DPF3: variants seen among roughly 807,000 people sequenced by gnomAD.
DPF3 encodes the protein double PHD fingers 3.
DPF3 carries 18 observed loss-of-function variants against 56.8 expected under a neutral mutation model. The observed-to-expected ratio is 0.32, with a 90% CI of 0.22 to 0.47. The LOEUF (loss-of-function observed/expected upper bound fraction) is 0.47. Among genes scored for constraint, DPF3 ranks in the 20% least tolerant of loss-of-function variants. The probability of loss-of-function intolerance (pLI) is 1.00; values close to 1 mark genes in which losing one functional copy is unlikely to be tolerated. For synonymous variants in DPF3, 188 were observed against 180.2 expected (o/e 1.04, Z -0.35); for missense variants, 403 against 488.8 (o/e 0.82, Z 1.65).
intron 1 of DPF3, among the ~76,000 whole-genome samples, chr14:72,881,320 G>A (rs912554273): frequency 6.6e-6 from 1 of 152,014 alleles, no homozygotes; most frequent in Admixed American, 6.6e-5. Flanking sequence ...TGTTGTTGTT[G>A]TTGTTGTTGT....
At position 72,611,019 on chromosome 14, in the gene DPF3, C is replaced by A. The variant is rs980465833; in HGVS notation, c.*8278G>T. 3.3e-5 allele frequency among the ~76,000 whole-genome samples: 5 copies of A among 152,232 alleles called. No homozygotes were observed. Among genetic ancestry groups the A allele is most frequent in the African/African-American group, 9.6e-5 (4 of 41,452 alleles). On this transcript the variant is annotated 3_prime_UTR_variant, in exon 11 of 11. Coordinates refer to ENST00000556509, the MANE Select transcript of DPF3 (RefSeq NM_001280542.3). ...CTTTAAAACCAGACTCACAGCCAAGCCTTGTGTCCCTGACTACCTCCACAG... is the reference window on the plus strand; with the variant it reads ...CTTTAAAACCAGACTCACAGCCAAGACTTGTGTCCCTGACTACCTCCACAG...
At chr14:72,700,466 T>G (rs372939576) in intron 6 of DPF3, among the ~76,000 whole-genome samples, 6 of 152,192 alleles carry the variant, frequency 3.9e-5, no homozygotes, top group East Asian at 3.9e-4. Context: ...TTACTCCAAA[T>G]AGCTGACCTG....
At chr14:72,812,526 C>T (rs890016147) in intron 1 of DPF3, among the ~76,000 whole-genome samples, 6 of 152,014 alleles carry the variant, frequency 3.9e-5, no homozygotes, top group South Asian at 4.2e-4. Context: ...CAAAGGGAAC[C>T]GACCCAGAAC....
At chr14:72,752,692 A>C (rs1370308891) in intron 3 of DPF3, among the ~76,000 whole-genome samples, 1 of 152,214 alleles carries the variant, frequency 6.6e-6, no homozygotes, top group African/African-American at 2.4e-5. Context: ...ATTAGTATAG[A>C]CATAACGCCA....
At chr14:72,841,846 G>A (rs924228936) in intron 1 of DPF3, among the ~76,000 whole-genome samples, 2 of 152,148 alleles carry the variant, frequency 1.3e-5, no homozygotes, top group Non-Finnish European at 2.9e-5. Flanking sequence ...ACTTTGGGAG[G>A]CCAAGATAGG....
intron 2 of DPF3, among the ~76,000 whole-genome samples, chr14:72,760,714 C>G (rs1192880476): frequency 6.6e-6 from 1 of 151,754 alleles, no homozygotes; most frequent in Non-Finnish European, 1.5e-5. Flanking sequence ...AGTTAATAAA[C>G]CAACAAAAAA....
intron 1 of DPF3, chr14:72,879,882 G>A: frequency 6.5e-7 from 1 of 1,534,844 alleles, no homozygotes; most frequent in East Asian, 2.4e-5. Context: ...ATAGGCAGAT[G>A]TTCACATCTA....
At chr14:72,733,481 A>G (rs183536612) in intron 3 of DPF3, among the ~76,000 whole-genome samples, 1 of 152,260 alleles carries the variant, frequency 6.6e-6, no homozygotes, top group East Asian at 1.9e-4. Context: ...GAGTGCTTGC[A>G]AGAACCTGGA....
intron 1 of DPF3, among the ~76,000 whole-genome samples, chr14:72,780,087 T>C (rs148110314): frequency 9.2e-5 from 14 of 152,328 alleles, no homozygotes; most frequent in Admixed American, 3.3e-4. Flanking sequence ...AGTGAATGAA[T>C]GAATCCTCCT....
chr14:72,775,564 C>T (rs565772821), intron 1 of DPF3, among the ~76,000 whole-genome samples: 1 of 152,204 alleles, frequency 6.6e-6, no homozygotes, highest in Non-Finnish European at 1.5e-5. Context: ...TTATTAGTTA[C>T]AAGCATGCTG....
chr14:72,627,129 A>G (rs975670353), intron 9 of DPF3, among the ~76,000 whole-genome samples: 7 of 152,096 alleles, frequency 4.6e-5, no homozygotes, highest in Non-Finnish European at 7.4e-5. Context: ...TGACTTTATC[A>G]TGTTTTTGAC....
chr14:72,742,911 C>T (rs915614118), intron 3 of DPF3, among the ~76,000 whole-genome samples: 16 of 152,228 alleles, frequency 1.1e-4, no homozygotes, highest in East Asian at 7.8e-4. Context: ...CAAGTCCCTC[C>T]GCCTGGACCA....
chr14:72,770,072 T>C (rs1354066497), intron 2 of DPF3, among the ~76,000 whole-genome samples: 2 of 152,128 alleles, frequency 1.3e-5, no homozygotes, highest in African/African-American at 4.8e-5. Flanking sequence ...CTTAATGGGA[T>C]AAAGAATCTA....
At chr14:72,633,798 G>A (rs916911123) in intron 8 of DPF3, among the ~76,000 whole-genome samples, 1 of 152,132 alleles carries the variant, frequency 6.6e-6, no homozygotes, top group Non-Finnish European at 1.5e-5. Context: ...GGCCGGGGGT[G>A]GCGTGTGCTG....
intron 3 of DPF3, among the ~76,000 whole-genome samples, chr14:72,736,382 G>T (rs1294589703): frequency 6.6e-6 from 1 of 152,182 alleles, no homozygotes; most frequent in Non-Finnish European, 1.5e-5. Context: ...GTGCAGATTT[G>T]CAGCATTAAA....
chr14:72,691,870 A>T (rs1047592983), intron 7 of DPF3, among the ~76,000 whole-genome samples: 1 of 152,162 alleles, frequency 6.6e-6, no homozygotes. Flanking sequence ...CAGCACCGTG[A>T]CCTTGGACCT....
chr14:72,892,255 G>C (rs370741767), intron 1 of DPF3: 22 of 1,535,398 alleles, frequency 1.4e-5, no homozygotes, highest in East Asian at 4.9e-5. Flanking sequence ...TTGTGGGTTC[G>C]GTAGAAACAG....
At chr14:72,746,704 G>A (rs1207580192) in intron 3 of DPF3, among the ~76,000 whole-genome samples, 1 of 152,250 alleles carries the variant, frequency 6.6e-6, no homozygotes, top group Non-Finnish European at 1.5e-5. Context: ...TCTGCAGATG[G>A]GGTCCTTCCC....
intron 1 of DPF3, among the ~76,000 whole-genome samples, chr14:72,828,757 T>C (rs1438462557): frequency 6.6e-6 from 1 of 152,068 alleles, no homozygotes; most frequent in Non-Finnish European, 1.5e-5. Flanking sequence ...GAGTTTGGAC[T>C]TTATCCTGGG....
Sources: gnomAD v4.1 joint callset for allele counts (sites outside exome capture counted in the v4.1 genomes callset) on GRCh38, gnomAD v4.1.1 for gene constraint, MANE v1.5 for transcripts, NCBI Gene and HGNC (gene_info 2026-07-23, HGNC 2026-07-21) for gene names.